KCTD3: variants seen among roughly 807,000 people sequenced by gnomAD.
The protein encoded by KCTD3 is potassium channel tetramerization domain containing 3.
Under a neutral mutation model 85.8 loss-of-function variants are expected in KCTD3, and 41 were observed. That is an observed-to-expected ratio of 0.48 (90% confidence interval 0.37 to 0.62). The LOEUF (loss-of-function observed/expected upper bound fraction) is 0.62. Ranked by LOEUF, KCTD3 falls within the 20% of genes least tolerant of loss-of-function variation. The pLI, the probability that KCTD3 is intolerant of heterozygous loss-of-function variation, is 0.00. For synonymous variants in KCTD3, 338 were observed against 345.4 expected, an observed-to-expected ratio of 0.98 and a Z score of 0.24; for missense variants, 724 against 989.9, an observed-to-expected ratio of 0.73 and a Z score of 3.60.
intron 9 of KCTD3, among the ~76,000 whole-genome samples, chr1:215,593,094 C>T (rs538846464): frequency 7.2e-5 from 11 of 152,292 alleles, no homozygotes; most frequent in African/African-American, 2.4e-4. Context: ...TTCACATGTT[C>T]TAAAAAGACA....
chr1:215,603,900 G>T (rs1419528026), intron 12 of KCTD3, among the ~76,000 whole-genome samples: 1 of 152,150 alleles, frequency 6.6e-6, no homozygotes, highest in Non-Finnish European at 1.5e-5. Context: ...TGCAAGGCAG[G>T]AGGTGAATAG....
chr1:215,605,075 G>GCACA (rs1426484196), intron 13 of KCTD3, among the ~76,000 whole-genome samples: 1 of 152,172 alleles, frequency 6.6e-6, no homozygotes, highest in Non-Finnish European at 1.5e-5. Context: ...ATTGCATTGT[G>GCACA]AGTTGGGTGT....
intron 8 of KCTD3, 82 bp downstream of exon 8, chr1:215,580,081 GC>G (rs1281046105): frequency 8.5e-6 from 8 of 946,340 alleles, no homozygotes; most frequent in East Asian, 7.8e-5. Context: ...AGATTGAAAA[GC>G]TATTTTTTTT....
In KCTD3 at chr1:215,614,018, GTTTTTTTTTT is replaced by G. The variant is rs577770912; in HGVS notation, c.1562+2118_1562+2127del. On this transcript the variant is annotated intron_variant, in intron 15 of 17. Coordinates refer to ENST00000259154, the MANE Select transcript of KCTD3 (RefSeq NM_016121.5). ...TTGGTTTCATAGGAACTTTAGAATA[GTTTTTTTTTT>G]TTTTTTTTTTTTTTTTTTTTAAGAG... Among the ~76,000 whole-genome samples, 52 of 66,288 alleles carry G rather than the reference GTTTTTTTTTT, an allele frequency of 7.8e-4. 1 individual carries two copies. The highest frequency in any genetic ancestry group is 2.7e-3 in the African/African-American group (43 of 15,824). 43.5% of individuals were successfully genotyped at this position (66,288 alleles called of 152,430 possible).
rs1369377903 is a variant in KCTD3, at chr1:215,621,608, T to C, written c.*990T>C. ...TTTTTTTCATTTAATTGGAATGATC[T>C]TCAGGTTTCTACAAATAGGGTAATT... On this transcript the variant is annotated 3_prime_UTR_variant, in exon 18 of 18. Coordinates refer to ENST00000259154, the MANE Select transcript of KCTD3 (RefSeq NM_016121.5). The C allele has an allele frequency of 6.6e-6, 1 of 152,530 alleles. No individual in the cohort carries two copies. Among genetic ancestry groups the C allele is most frequent in the African/African-American group, 2.4e-5 (1 of 41,434 alleles). 9.4% of individuals were successfully genotyped at this position (152,530 alleles called of 1,614,324 possible). A position where few individuals can be genotyped will look rare whatever the true frequency, so the allele number is the denominator to read the frequency against.
intron 8 of KCTD3, among the ~76,000 whole-genome samples, chr1:215,583,288 G>A (rs1266366754): frequency 6.6e-6 from 1 of 152,182 alleles, no homozygotes; most frequent in Non-Finnish European, 1.5e-5. Flanking sequence ...TCAGAAAGGA[G>A]CAGGCAATTC....
At chr1:215,592,751 T>A in intron 9 of KCTD3, among the ~76,000 whole-genome samples, 1 of 152,208 alleles carries the variant, frequency 6.6e-6, no homozygotes, top group East Asian at 1.9e-4. Context: ...TTGTTAGGGC[T>A]GGTATATCCA....
intron 14 of KCTD3, among the ~76,000 whole-genome samples, chr1:215,610,887 G>A (rs2797253): frequency 0.99 from 150,642 of 152,058 alleles, 74,647 homozygotes; most frequent in East Asian, 1. Flanking sequence ...TAAGTACAGT[G>A]TAAGTATTAG....
chr1:215,595,522 G>T, intron 10 of KCTD3, 51 bp downstream of exon 10: 1 of 1,094,010 alleles, frequency 9.1e-7, no homozygotes, highest in Non-Finnish European at 1.4e-6. Flanking sequence ...AATGTATGCT[G>T]ATTATGTATT....
chr1:215,607,610 G>A (rs918289956), intron 13 of KCTD3, among the ~76,000 whole-genome samples: 1 of 151,982 alleles, frequency 6.6e-6, no homozygotes, highest in African/African-American at 2.4e-5. Flanking sequence ...TTTTCGGTAA[G>A]TTCTGATCTA....
rs752038729 is a variant in KCTD3 at position 215,620,350 on chromosome 1, A to G, written c.2180A>G (p.Glu727Gly). The G allele has an allele frequency of 6.2e-7, 1 of 1,613,812 alleles. No individual in the cohort carries two copies. The highest frequency in any genetic ancestry group is 8.5e-7 in the Non-Finnish European group (1 of 1,179,858). The change falls in exon 18 of 18, where the codon GAA becomes GGA. Residue 727 changes from glutamate to glycine, a missense_variant. Glu to Gly is a moderately conservative substitution (Grantham distance 98, BLOSUM62 -2). Transcript: ENST00000259154. Reference protein sequence around the residue: ...KSLRELDSGLEVHKIAEGFSE... With the variant: ...KSLRELDSGLGVHKIAEGFSE... The stretch of plus-strand genomic sequence containing the variant: ...TTGAGAGAATTGGATAGTGGATTGG[A>G]AGTGCATAAAATAGCTGAAGGTTTT...
chr1:215,619,426 T>G, intron 17 of KCTD3, 135 bp downstream of exon 17: 1 of 734,808 alleles, frequency 1.4e-6, no homozygotes. Flanking sequence ...TTATGTTAAC[T>G]TTTTAACAGT....
At chr1:215,591,767 C>G (rs1660235760) in intron 9 of KCTD3, among the ~76,000 whole-genome samples, 1 of 152,206 alleles carries the variant, frequency 6.6e-6, no homozygotes, top group Non-Finnish European at 1.5e-5. Flanking sequence ...GCACAGTTCC[C>G]TTCCTTCTTG....
At chr1:215,611,688 G>A (rs1655239779) in intron 14 of KCTD3, 137 bp from the exon 15 acceptor site, 1 of 552,392 alleles carries the variant, frequency 1.8e-6, no homozygotes, top group African/African-American at 1.9e-5. Context: ...TTGCATGTCT[G>A]ATGTTGAGCT....
chr1:215,569,943 G>A (rs1483268486), intron 1 of KCTD3, among the ~76,000 whole-genome samples: 2 of 152,096 alleles, frequency 1.3e-5, no homozygotes, highest in Non-Finnish European at 1.5e-5. Context: ...GGTATGGCCC[G>A]TAGAAAACAA....
At chr1:215,594,107 G>T (rs865990762) in intron 9 of KCTD3, among the ~76,000 whole-genome samples, 2 of 151,984 alleles carry the variant, frequency 1.3e-5, no homozygotes, top group Non-Finnish European at 2.9e-5. Flanking sequence ...TGATCCACCC[G>T]CCCTGGCCTC....
Position 215,580,899 on chromosome 1 carries a change from C to T in KCTD3, c.626+900C>T, listed in dbSNP as rs1368903718. On this transcript the variant is annotated intron_variant, in intron 8 of 17. Coordinates refer to ENST00000259154, the MANE Select transcript of KCTD3 (RefSeq NM_016121.5). ...AAAGGTTTGGCATGTCTGGTAAGTG[C>T]TGTTTATATCAGTAATCTCAGGTTT... The T allele has an allele frequency of 2.3e-5, 10 of 435,906 alleles. No homozygotes were observed. In the East Asian group the frequency reaches 8.5e-4, roughly 37 times the overall value. 27.0% of individuals were successfully genotyped at this position (435,906 alleles called of 1,614,324 possible).
At chr1:215,613,780 C>T (rs897755580) in intron 15 of KCTD3, among the ~76,000 whole-genome samples, 4 of 151,962 alleles carry the variant, frequency 2.6e-5, no homozygotes, top group African/African-American at 9.7e-5. Context: ...TGTTTATTAT[C>T]AGCTTTGTTG....
chr1:215,617,776 CTA>C (rs148720921), intron 15 of KCTD3, among the ~76,000 whole-genome samples: 7 of 143,388 alleles, frequency 4.9e-5, no homozygotes, highest in Non-Finnish European at 1.1e-4. Flanking sequence ...CATTGTCCCA[CTA>C]TATATATATA....
Sources: gnomAD v4.1 joint callset for allele counts (sites outside exome capture counted in the v4.1 genomes callset) on GRCh38, gnomAD v4.1.1 for gene constraint, MANE v1.5 for transcripts, NCBI Gene and HGNC (gene_info 2026-07-23, HGNC 2026-07-21) for gene names.